Variants in ZFYVE9 observed in about 807,000 individuals in gnomAD.
ZFYVE9 encodes the protein zinc finger FYVE-type containing 9, also known as zinc finger FYVE domain-containing protein 9.
Under a neutral mutation model 126.7 loss-of-function variants are expected in ZFYVE9, and 43 were observed. The ratio of observed to expected loss-of-function variants is 0.34; its 90% CI spans 0.27 to 0.44. ZFYVE9 has a LOEUF of 0.44. Ranked by LOEUF, ZFYVE9 falls within the 20% of genes least tolerant of loss-of-function variation. The pLI is 1.00. For synonymous variants in ZFYVE9, 521 were observed against 597.4 expected, an observed-to-expected ratio of 0.87 and a Z score of 1.87; for missense variants, 1,476 against 1,697.0, an observed-to-expected ratio of 0.87 and a Z score of 2.29.
intron 1 of ZFYVE9, among the ~76,000 whole-genome samples, chr1:52,191,255 C>A (rs1644814473): frequency 6.6e-6 from 1 of 152,136 alleles, no homozygotes; most frequent in Non-Finnish European, 1.5e-5. Flanking sequence ...ATATTATTTC[C>A]TTTTAATCTT....
At chr1:52,258,367 A>G (rs1294485711) in intron 4 of ZFYVE9, among the ~76,000 whole-genome samples, 1 of 137,334 alleles carries the variant, frequency 7.3e-6, no homozygotes, top group Non-Finnish European at 1.6e-5. Flanking sequence ...AGGTACTTAG[A>G]TGGTATATGG....
chr1:52,187,522 A>C (rs1338321373), intron 1 of ZFYVE9, among the ~76,000 whole-genome samples: 3 of 152,142 alleles, frequency 2.0e-5, no homozygotes, highest in African/African-American at 4.8e-5. Context: ...GAGTAAACAG[A>C]CTACAGAATG....
At chr1:52,181,454 C>G (rs917233374) in intron 1 of ZFYVE9, among the ~76,000 whole-genome samples, 3 of 152,230 alleles carry the variant, frequency 2.0e-5, no homozygotes, top group Non-Finnish European at 2.9e-5. Flanking sequence ...TCCCAGCCGC[C>G]TGCCTTGGCC....
At chr1:52,213,277 A>G (rs1478972197) in intron 1 of ZFYVE9, among the ~76,000 whole-genome samples, 2 of 152,138 alleles carry the variant, frequency 1.3e-5, no homozygotes, top group Admixed American at 6.5e-5. Flanking sequence ...TAGCAACTTT[A>G]AGTCTACTTT....
At chr1:52,325,137 G>A (rs1342378032) in intron 13 of ZFYVE9, among the ~76,000 whole-genome samples, 1 of 152,080 alleles carries the variant, frequency 6.6e-6, no homozygotes, top group Non-Finnish European at 1.5e-5. Context: ...AAATTAGCTG[G>A]ATGTGGTGGT....
chr1:52,170,695 C>G (rs1469482283), intron 1 of ZFYVE9, among the ~76,000 whole-genome samples: 1 of 152,026 alleles, frequency 6.6e-6, no homozygotes, highest in African/African-American at 2.4e-5. Flanking sequence ...TTATTTGTTT[C>G]AATAAAATGT....
intron 4 of ZFYVE9, among the ~76,000 whole-genome samples, chr1:52,245,201 C>G (rs1645372603): frequency 6.6e-6 from 1 of 151,132 alleles, no homozygotes; most frequent in Non-Finnish European, 1.5e-5. Context: ...TTTGTTCTTT[C>G]ATTCAGTGAG....
At chr1:52,157,614 G>A (rs1490585698) in intron 1 of ZFYVE9, among the ~76,000 whole-genome samples, 1 of 151,674 alleles carries the variant, frequency 6.6e-6, no homozygotes, top group East Asian at 1.9e-4. Flanking sequence ...ATGTTGGCCA[G>A]GCTGGTCTTG....
chr1:52,329,734 T>A lies in ZFYVE9; in HGVS notation c.3439-3034T>A, dbSNP rs150753778. 3.9e-3 allele frequency among the ~76,000 whole-genome samples: 594 copies of A among 151,642 alleles called. 13 individuals carry two copies. In the South Asian group the frequency reaches 0.044, roughly 11 times the overall value. ...TCATGGTTAATACGGTGAAATCCCG[T>A]CTCTACTAAAAATACAAAAAATTAG... On this transcript the variant is annotated intron_variant, in intron 13 of 18. Coordinates refer to ENST00000287727, the MANE Select transcript of ZFYVE9 (RefSeq NM_004799.4).
intron 2 of ZFYVE9, among the ~76,000 whole-genome samples, chr1:52,230,080 G>A (rs530920650): frequency 6.6e-6 from 1 of 152,232 alleles, no homozygotes; most frequent in African/African-American, 2.4e-5. Flanking sequence ...GTGTTAGCCA[G>A]GATGGTCTCC....
intron 13 of ZFYVE9, among the ~76,000 whole-genome samples, chr1:52,314,921 T>G (rs1646169532): frequency 6.6e-6 from 1 of 152,052 alleles, no homozygotes; most frequent in South Asian, 2.1e-4. Context: ...GCGGCAGAGG[T>G]TGCAGTGAGC....
At chr1:52,154,909 C>T (rs1251848390) in intron 1 of ZFYVE9, among the ~76,000 whole-genome samples, 5 of 152,132 alleles carry the variant, frequency 3.3e-5, no homozygotes, top group African/African-American at 9.7e-5. Flanking sequence ...CTTTTTTCTC[C>T]TTCTTAAGTT....
In ZFYVE9 at chr1:52,198,130, T is replaced by TTTG. The variant is rs1553123753; in HGVS notation, c.-142-18237_-142-18236insGTT. ...GTAGTGTTTTTTTTTGTTTGTTTTTTTTTTTTTTTGAGATGGAGTCTCACT... is the reference window on the plus strand; with the variant it reads ...GTAGTGTTTTTTTTTGTTTGTTTTTTTTGTTTTTTTTTGAGATGGAGTCTCACT... On this transcript the variant is annotated intron_variant, in intron 1 of 18. Coordinates refer to ENST00000287727, the MANE Select transcript of ZFYVE9 (RefSeq NM_004799.4). 5.1e-5 allele frequency among the ~76,000 whole-genome samples: 7 copies of TTTG among 136,380 alleles called. No homozygotes were observed. In the South Asian group the frequency reaches 7.4e-4, roughly 15 times the overall value. The allele number at this position is 136,380 out of a possible 152,430, so 89.5% of individuals were successfully genotyped here.
chr1:52,303,807 C>G lies in ZFYVE9; in HGVS notation c.3334-14C>G. On this transcript the variant is annotated splice_polypyrimidine_tract_variant and intron_variant, in intron 12 of 18. Transcript: ENST00000287727. ...ATGAATTAATTTATTCTGCTTCAAT[C>G]TGCTTTGGCCCAGGACTTCAGAAAT... The G allele has an allele frequency of 1.3e-6, 2 of 1,511,358 alleles. No homozygotes were observed. The highest frequency in any genetic ancestry group is 1.8e-6 in the Non-Finnish European group (2 of 1,125,560). The allele number at this position is 1,511,358 out of a possible 1,614,324, so 93.6% of individuals were successfully genotyped here.
chr1:52,159,846 A>G (rs1237862714), intron 1 of ZFYVE9, among the ~76,000 whole-genome samples: 1 of 151,228 alleles, frequency 6.6e-6, no homozygotes, highest in African/African-American at 2.4e-5. Flanking sequence ...CCCAGGCTGG[A>G]GTGCAGTGGC....
intron 1 of ZFYVE9, among the ~76,000 whole-genome samples, chr1:52,166,792 G>C (rs745740930): frequency 1.6e-4 from 24 of 152,242 alleles, no homozygotes; most frequent in Non-Finnish European, 3.2e-4. Context: ...TGTAGTCCCA[G>C]CTGGAGGCTG....
chr1:52,285,528 G>A (rs1205063517), intron 10 of ZFYVE9, among the ~76,000 whole-genome samples: 1 of 152,176 alleles, frequency 6.6e-6, no homozygotes, highest in Admixed American at 6.5e-5. Context: ...ATAGAAGTGC[G>A]AACCCTGTTG....
intron 2 of ZFYVE9, among the ~76,000 whole-genome samples, chr1:52,220,528 C>A (rs1040085653): frequency 6.6e-6 from 1 of 152,138 alleles, no homozygotes. Flanking sequence ...GGTTTCTTCC[C>A]GTGGGAGGCT....
chr1:52,277,684 G>C (rs1286252980), intron 8 of ZFYVE9, among the ~76,000 whole-genome samples: 1 of 152,086 alleles, frequency 6.6e-6, no homozygotes, highest in Non-Finnish European at 1.5e-5. Flanking sequence ...GACCAACCAA[G>C]CAACATTCAA....
Sources: gnomAD v4.1 joint callset for allele counts (sites outside exome capture counted in the v4.1 genomes callset) on GRCh38, gnomAD v4.1.1 for gene constraint, MANE v1.5 for transcripts, NCBI Gene and HGNC (gene_info 2026-07-23, HGNC 2026-07-21) for gene names.